Variants in TOMM20L observed in about 807,000 individuals in gnomAD.
The protein encoded by TOMM20L is TOMM20-like protein 1.
In TOMM20L, 19 loss-of-function variants were observed where a neutral mutation model predicts 20.4. The observed-to-expected ratio is 0.93, with a 90% CI of 0.65 to 1.36. The LOEUF is 1.36. Among genes scored for constraint, TOMM20L ranks in the 40% most tolerant of loss-of-function variants. The pLI is 0.00. For missense variants in TOMM20L, 218 were observed against 203.7 expected, an observed-to-expected ratio of 1.07 and a Z score of -0.43; for synonymous variants, 75 against 79.6, an observed-to-expected ratio of 0.94 and a Z score of 0.30.
At position 58,396,280 on chromosome 14, in the gene TOMM20L, G is replaced by A. The variant is rs375525382; in HGVS notation, c.137-18G>A. On this transcript the variant is annotated intron_variant, in intron 1 of 4. Coordinates refer to ENST00000360945, the MANE Select transcript of TOMM20L (RefSeq NM_207377.3). Reference sequence around the variant, plus strand: ...TGGACGGGCCTCCCAGCCAGCATGTGCCGTGTTGTGTTCGCAGAAAGAAGA... The same window carrying A: ...TGGACGGGCCTCCCAGCCAGCATGTACCGTGTTGTGTTCGCAGAAAGAAGA... 8.3e-5 allele frequency: 134 copies of A among 1,612,790 alleles called. No homozygotes were observed. The highest frequency in any genetic ancestry group is 2.0e-5 in the Non-Finnish European group (24 of 1,179,760).
At chr14:58,412,150 CTTT>C, downstream of TOMM20L, 3 of 411,046 alleles carry the variant, frequency 7.3e-6, no homozygotes, top group South Asian at 6.8e-5. Context: ...ATTAGATTTT[CTTT>C]TTTTTTTTGA....
intron 2 of TOMM20L, chr14:58,398,682 C>A (rs1227691902): frequency 6.6e-6 from 1 of 150,892 alleles, no homozygotes; most frequent in Admixed American, 6.6e-5. Context: ...ATAAATTAAT[C>A]ATATTTTAAT....
At chr14:58,413,707 A>C in the TOMM20L span, among the ~76,000 whole-genome samples, 6 of 152,260 alleles carry the variant, frequency 3.9e-5, no homozygotes, top group Admixed American at 3.9e-4. Flanking sequence ...ATTTCATATA[A>C]AAGATTTGTA....
chr14:58,407,453 TC>T lies in TOMM20L; in HGVS notation c.394del (p.Ile133PhefsTer9). On this transcript the variant is annotated frameshift_variant, in exon 4 of 5. Transcript: ENST00000360945. LOFTEE classifies it high-confidence loss of function. ...TATTTGAGATGCTGTTGCACAAAAT[TC>T]CCCTTATTTGCCAGGTGAGCACATA... ...KVFEMLLHKI[P>X]LICQQFEADM... 2 of 1,612,106 alleles carry T rather than the reference TC, an allele frequency of 1.2e-6. No homozygotes were observed. The highest frequency in any genetic ancestry group is 1.7e-6 in the Non-Finnish European group (2 of 1,179,530).
chr14:58,401,755 A>G (rs1049781615), intron 2 of TOMM20L, among the ~76,000 whole-genome samples: 8 of 152,190 alleles, frequency 5.3e-5, no homozygotes, highest in African/African-American at 1.9e-4. Context: ...TAGGTGTAGT[A>G]CCAATGATGA....
downstream of TOMM20L, chr14:58,408,842 A>C: frequency 1.3e-6 from 1 of 798,666 alleles, no homozygotes; most frequent in African/African-American, 1.8e-5. Context: ...CTGAACAATA[A>C]GACCTTCTAT....
At chr14:58,405,747 G>A (rs1222437532) in intron 3 of TOMM20L, among the ~76,000 whole-genome samples, 4 of 151,806 alleles carry the variant, frequency 2.6e-5, no homozygotes, top group African/African-American at 7.3e-5. Flanking sequence ...CAAGTGATTC[G>A]CCCTCCTCAG....
chr14:58,403,002 C>T (rs2036010688), intron 3 of TOMM20L, among the ~76,000 whole-genome samples: 1 of 152,152 alleles, frequency 6.6e-6, no homozygotes, highest in Non-Finnish European at 1.5e-5. Flanking sequence ...ACAAAAATAC[C>T]TCATTTATTG....
downstream of TOMM20L, among the ~76,000 whole-genome samples, chr14:58,409,575 A>G (rs929236277): frequency 3.3e-5 from 5 of 151,826 alleles, no homozygotes; most frequent in African/African-American, 9.7e-5. Flanking sequence ...TTTTAATTTT[A>G]TTTATTTATT....
downstream of TOMM20L, chr14:58,408,869 A>C: frequency 1.0e-6 from 1 of 971,312 alleles, no homozygotes; most frequent in Non-Finnish European, 1.5e-6. Context: ...TATTCCTGGT[A>C]AATAGCAATT....
chr14:58,409,001 T>G (rs774528271), downstream of TOMM20L: 1 of 1,592,344 alleles, frequency 6.3e-7, no homozygotes, highest in Non-Finnish European at 8.5e-7. Flanking sequence ...CTGTTGGCAA[T>G]CTTTCATCAA....
rs2036028218 is a variant in TOMM20L at position 58,404,137 on chromosome 14, T to TTATTTTTTA, written c.262+1377_262+1378insATTTTTTAT. Among the ~76,000 whole-genome samples, 3 of 8,642 alleles carry TTATTTTTTA rather than the reference T, an allele frequency of 3.5e-4. 1 individual carries two copies. The highest frequency in any genetic ancestry group is 5.8e-4 in the African/African-American group (3 of 5,162). 5.7% of individuals were successfully genotyped at this position (8,642 alleles called of 152,430 possible). A position where few individuals can be genotyped will look rare whatever the true frequency, so the allele number is the denominator to read the frequency against. ...TATATATATTTTTTTTTTTTTTTTT[T>TTATTTTTTA]TTTTTTTTTGGAGACGGAGTCTCGC... is the stretch of plus-strand genomic sequence containing the variant. On this transcript the variant is annotated intron_variant, in intron 3 of 4. Coordinates refer to ENST00000360945, the MANE Select transcript of TOMM20L (RefSeq NM_207377.3).
intron 2 of TOMM20L, among the ~76,000 whole-genome samples, chr14:58,397,538 T>A (rs1162942203): frequency 6.6e-6 from 1 of 152,220 alleles, no homozygotes; most frequent in East Asian, 1.9e-4. Flanking sequence ...GGCATTGAAC[T>A]GAGCCTGGAA....
Position 58,395,945 on chromosome 14 carries a change from C to A in TOMM20L, c.-13C>A. On this transcript the variant is annotated 5_prime_UTR_variant, in exon 1 of 5. Transcript: ENST00000360945. Reference sequence around the variant, plus strand: ...CGCGCCCAACGCTCGGCTTGTGGGACGCCCGCGGTCGGATGCCCTCCGTCC... The same window carrying A: ...CGCGCCCAACGCTCGGCTTGTGGGAAGCCCGCGGTCGGATGCCCTCCGTCC... The A allele has an allele frequency of 3.6e-6, 5 of 1,374,252 alleles. No homozygotes were observed. Among genetic ancestry groups the A allele is most frequent in the Non-Finnish European group, 4.7e-6 (5 of 1,058,520 alleles). The allele number at this position is 1,374,252 out of a possible 1,614,324, so 85.1% of individuals were successfully genotyped here. A position where few individuals can be genotyped will look rare whatever the true frequency, so the allele number is the denominator to read the frequency against.
rs1392122394 is a variant in TOMM20L, at chr14:58,396,328, A to G, written c.167A>G (p.Glu56Gly). 8.1e-6 allele frequency: 13 copies of G among 1,613,280 alleles called. No homozygotes were observed. Among genetic ancestry groups the G allele is most frequent in the Middle Eastern group, 1.8e-4 (1 of 5,612 alleles). Residue 56 changes from glutamate (E) to glycine (G), a missense_variant, in exon 2 of 5, where the codon GAG (glutamate) becomes GGG (glycine). Coordinates refer to ENST00000360945, the MANE Select transcript of TOMM20L (RefSeq NM_207377.3). ...KRRAEPQKAE[E>G]QGTQLWDPTK... ...AGAGCAGAGCCTCAAAAGGCTGAGG[A>G]GCAGGGCACGCAGGTGCAGTGCTTT... is the stretch of plus-strand genomic sequence containing the variant.
At chr14:58,406,411 A>G (rs908341200) in intron 3 of TOMM20L, among the ~76,000 whole-genome samples, 20 of 152,284 alleles carry the variant, frequency 1.3e-4, no homozygotes, top group African/African-American at 4.8e-4. Flanking sequence ...TCCTATAACC[A>G]TGTATTTCAA....
downstream of TOMM20L, chr14:58,409,002 C>T: frequency 6.3e-7 from 1 of 1,592,166 alleles, no homozygotes; most frequent in Non-Finnish European, 8.5e-7. Flanking sequence ...TGTTGGCAAT[C>T]TTTCATCAAA....
downstream of TOMM20L, among the ~76,000 whole-genome samples, chr14:58,411,547 T>TA (rs1184652365): frequency 6.8e-6 from 1 of 146,984 alleles, no homozygotes; most frequent in Non-Finnish European, 1.5e-5. Context: ...ACTGACATGG[T>TA]TTTTTTTTTT....
downstream of TOMM20L, among the ~76,000 whole-genome samples, chr14:58,412,737 C>T (rs1361732844): frequency 6.6e-6 from 1 of 152,006 alleles, no homozygotes; most frequent in African/African-American, 2.4e-5. Flanking sequence ...CCTATCTCTA[C>T]AAAAAATACA....
Sources: allele counts gnomAD v4.1 joint callset (sites outside exome capture counted in the v4.1 genomes callset), GRCh38; gene constraint gnomAD v4.1.1; transcripts MANE v1.5; gene names NCBI Gene and HGNC (gene_info 2026-07-23, HGNC 2026-07-21).